The following IPO11 variants were observed in gnomAD, a reference collection of about 807,000 sequenced individuals.
IPO11 encodes the protein importin 11, also known as importin-11.
In IPO11, 66 loss-of-function variants were observed where a neutral mutation model predicts 143.2. That is an observed-to-expected ratio of 0.46 (90% CI 0.38 to 0.57). IPO11 has a LOEUF of 0.57. Ranked by LOEUF, IPO11 falls within the 20% of genes least tolerant of loss-of-function variation. IPO11 has a pLI of 0.00. For missense variants in IPO11, 1,026 were observed against 1,141.0 expected, an observed-to-expected ratio of 0.90 and a Z score of 1.45; for synonymous variants, 385 against 377.8, an observed-to-expected ratio of 1.02 and a Z score of -0.22.
In IPO11 at chr5:62,598,507, TTTCTTTC is replaced by T. The variant is rs1561380819; in HGVS notation, c.2679-3254_2679-3248del. Among the ~76,000 whole-genome samples the T allele has an allele frequency of 8.5e-4, 6 of 7,022 alleles. 2 individuals carry two copies. The highest frequency in any genetic ancestry group is 1.2e-3 in the Non-Finnish European group (6 of 4,914). The allele number at this position is 7,022 out of a possible 152,430, so 4.6% of individuals were successfully genotyped here. ...CTCTCTCTCTCTCTTTCTTTCTTTCTTTCTTTCTTTCTTTCTTTCTTTTCTTTCTTTT... is the reference window on the plus strand; with the variant it reads ...CTCTCTCTCTCTCTTTCTTTCTTTCTTTTCTTTCTTTCTTTTCTTTCTTTT... On this transcript the variant is annotated intron_variant, in intron 28 of 29. Transcript: ENST00000325324.
At position 62,535,360 on chromosome 5, in the gene IPO11, G is replaced by A. The variant is rs114414630; in HGVS notation, c.2090-1342G>A. Among the ~76,000 whole-genome samples, 766 of 152,044 alleles carry A rather than the reference G, an allele frequency of 5.0e-3. 7 individuals are homozygous for A. The highest frequency in any genetic ancestry group is 0.017 in the African/African-American group (722 of 41,472). On this transcript the variant is annotated intron_variant, in intron 22 of 29. Transcript: ENST00000325324. ...TAGACCCTTGGCCCTACTTTTCATG[G>A]CGATGGCCAGTCTGCTGTTCATTGT... is the stretch of plus-strand genomic sequence containing the variant.
intron 27 of IPO11, among the ~76,000 whole-genome samples, chr5:62,572,742 C>T (rs556155240): frequency 4.0e-5 from 6 of 151,742 alleles, no homozygotes; most frequent in African/African-American, 9.7e-5. Flanking sequence ...CTACCACACC[C>T]GGCTAGTTTT....
chr5:62,541,024 T>C (rs1018347458), intron 24 of IPO11, among the ~76,000 whole-genome samples: 11 of 152,206 alleles, frequency 7.2e-5, no homozygotes, highest in African/African-American at 2.7e-4. Context: ...ACAATGATGG[T>C]ATATTATTAG....
At chr5:62,491,993 G>A (rs1746630762) in intron 15 of IPO11, among the ~76,000 whole-genome samples, 1 of 152,060 alleles carries the variant, frequency 6.6e-6, no homozygotes, top group Non-Finnish European at 1.5e-5. Context: ...AATAACATAT[G>A]TGGCCTGCAT....
intron 7 of IPO11, among the ~76,000 whole-genome samples, chr5:62,474,079 T>C (rs1169201763): frequency 6.6e-6 from 1 of 152,184 alleles, no homozygotes; most frequent in Non-Finnish European, 1.5e-5. Flanking sequence ...AAGTGCAGTA[T>C]TTCAAGGGAT....
At chr5:62,579,253 CATT>C in intron 27 of IPO11, 4 of 613,996 alleles carry the variant, frequency 6.5e-6, no homozygotes, top group Non-Finnish European at 1.2e-5. Context: ...ATTCCATACT[CATT>C]ATTTTTTGCT....
chr5:62,473,878 C>T (rs1353331671), intron 7 of IPO11, among the ~76,000 whole-genome samples: 1 of 152,110 alleles, frequency 6.6e-6, no homozygotes, highest in Admixed American at 6.5e-5. Context: ...ATACTAGTAT[C>T]TGAGGACCAA....
At chr5:62,443,347 G>A (rs1744567591) in intron 3 of IPO11, 3 of 317,526 alleles carry the variant, frequency 9.4e-6, no homozygotes, top group Middle Eastern at 8.9e-4. Flanking sequence ...CAAATCAACA[G>A]CTATATTATT....
intron 20 of IPO11, among the ~76,000 whole-genome samples, chr5:62,518,431 G>A (rs1383607677): frequency 6.6e-6 from 1 of 150,908 alleles, no homozygotes; most frequent in Non-Finnish European, 1.5e-5. Context: ...GTGACATAGC[G>A]AGACTCTGTC....
At chr5:62,424,364 C>A (rs1428621858) in intron 1 of IPO11, among the ~76,000 whole-genome samples, 1 of 152,038 alleles carries the variant, frequency 6.6e-6, no homozygotes, top group Non-Finnish European at 1.5e-5. Flanking sequence ...TGGTCTCGAT[C>A]TTGTGACCTC....
chr5:62,435,168 A>T (rs865986136), intron 1 of IPO11, among the ~76,000 whole-genome samples: 25 of 83,854 alleles, frequency 3.0e-4, no homozygotes, highest in African/African-American at 7.9e-4. Flanking sequence ...ATATGTATAT[A>T]TATGTATATA....
intron 21 of IPO11, among the ~76,000 whole-genome samples, chr5:62,530,454 G>A (rs32180): frequency 0.09 from 13,721 of 152,194 alleles, 669 homozygotes; most frequent in East Asian, 0.14. Flanking sequence ...TCAGTGTAAA[G>A]CCATGTTGTG....
chr5:62,562,489 T>A (rs922251265), intron 27 of IPO11, among the ~76,000 whole-genome samples: 5 of 152,186 alleles, frequency 3.3e-5, no homozygotes, highest in African/African-American at 1.2e-4. Flanking sequence ...CCTACATCCC[T>A]TGCATGCACT....
rs182995951 is a variant in IPO11, at chr5:62,436,620, A to G, written c.-6-654A>G. Among the ~76,000 whole-genome samples, 61 of 152,344 alleles carry G rather than the reference A, an allele frequency of 4.0e-4. 1 individual carries two copies. Among genetic ancestry groups the G allele is most frequent in the Admixed American group, 1.2e-3 (19 of 15,296 alleles). The stretch of plus-strand genomic sequence containing the variant: ...GTGTTTGTTGAATGGCTTCAGCTAC[A>G]TGGTATAGGATTAGATGACCCAGCC... On this transcript the variant is annotated intron_variant, in intron 1 of 29. Transcript: ENST00000325324.
chr5:62,438,713 T>C (rs1744330682), intron 2 of IPO11, among the ~76,000 whole-genome samples: 1 of 149,416 alleles, frequency 6.7e-6, no homozygotes, highest in Non-Finnish European at 1.5e-5. Context: ...GATCGTGCCA[T>C]TGTACTCCAG....
At chr5:62,573,174 C>T (rs893650548) in intron 27 of IPO11, among the ~76,000 whole-genome samples, 2 of 152,086 alleles carry the variant, frequency 1.3e-5, no homozygotes, top group Non-Finnish European at 2.9e-5. Context: ...CCTGCCACCA[C>T]GCCCGGCTAC....
At chr5:62,616,073 G>C (rs1425686301) in intron 29 of IPO11, among the ~76,000 whole-genome samples, 1 of 151,682 alleles carries the variant, frequency 6.6e-6, no homozygotes, top group East Asian at 1.9e-4. Context: ...GGGAGGAAGG[G>C]GGGTGGCAGT....
chr5:62,470,205 G>A, intron 6 of IPO11, 45 bp from the exon 7 acceptor site: 2 of 1,535,556 alleles, frequency 1.3e-6, no homozygotes, highest in African/African-American at 1.4e-5. Flanking sequence ...TGTAATTTTA[G>A]TAGGATAAAA....
chr5:62,424,430 C>A (rs568565486), intron 1 of IPO11, among the ~76,000 whole-genome samples: 1 of 151,304 alleles, frequency 6.6e-6, no homozygotes, highest in Non-Finnish European at 1.5e-5. Flanking sequence ...TGAGCCATCG[C>A]GCCTGGCTCA....
Sources: gnomAD v4.1 joint callset for allele counts (sites outside exome capture counted in the v4.1 genomes callset) on GRCh38, gnomAD v4.1.1 for gene constraint, MANE v1.5 for transcripts, NCBI Gene and HGNC (gene_info 2026-07-23, HGNC 2026-07-21) for gene names.